RAB3IP: variants seen among roughly 807,000 people sequenced by gnomAD.
The protein encoded by RAB3IP is RAB3A interacting protein.
RAB3IP carries 36 observed loss-of-function variants against 59.1 expected under a neutral mutation model. That is an observed-to-expected ratio of 0.61 (90% CI 0.47 to 0.80). The LOEUF (loss-of-function observed/expected upper bound fraction) is 0.80. Among genes scored for constraint, RAB3IP ranks in the 30% least tolerant of loss-of-function variants. The pLI is 0.00. For synonymous variants in RAB3IP, 207 were observed against 191.2 expected, an observed-to-expected ratio of 1.08 and a Z score of -0.68; for missense variants, 511 against 536.0, an observed-to-expected ratio of 0.95 and a Z score of 0.46.
At chr12:69,812,049 A>T (rs904992758) in intron 8 of RAB3IP, 2 of 152,206 alleles carry the variant, frequency 1.3e-5, no homozygotes, top group African/African-American at 4.8e-5. Flanking sequence ...TCATGGAGCC[A>T]TAGGGTAACA....
At chr12:69,809,433 T>G (rs1009573882) in intron 8 of RAB3IP, among the ~76,000 whole-genome samples, 25 of 152,322 alleles carry the variant, frequency 1.6e-4, no homozygotes, top group Non-Finnish European at 3.1e-4. Flanking sequence ...TTTCCTGAAT[T>G]TGAATGTTGG....
intron 1 of RAB3IP, among the ~76,000 whole-genome samples, chr12:69,749,911 A>G (rs1041310069): frequency 2.0e-5 from 3 of 152,242 alleles, no homozygotes; most frequent in Non-Finnish European, 2.9e-5. Context: ...AGAGTAGGTC[A>G]TTAGTAAATA....
chr12:69,820,599 C>G lies in RAB3IP; in HGVS notation c.*5153C>G, dbSNP rs1040253872. On this transcript the variant is annotated 3_prime_UTR_variant, in exon 11 of 11. Coordinates refer to ENST00000247833, the MANE Select transcript of RAB3IP (RefSeq NM_022456.5). ...ACTGGCCAGGTGCGATGGCTCATGCCTGTAATCCCAGCACTTTGGGAGGCC... is the reference window on the plus strand; with the variant it reads ...ACTGGCCAGGTGCGATGGCTCATGCGTGTAATCCCAGCACTTTGGGAGGCC... The G allele has an allele frequency of 1.1e-4, 16 of 150,406 alleles. No individual in the cohort carries two copies. Among genetic ancestry groups the G allele is most frequent in the Admixed American group, 9.3e-4 (14 of 15,052 alleles). The allele number at this position is 150,406 out of a possible 1,614,324, so 9.3% of individuals were successfully genotyped here.
intron 3 of RAB3IP, among the ~76,000 whole-genome samples, chr12:69,780,385 A>AG (rs1196152217): frequency 1.3e-5 from 2 of 152,196 alleles, no homozygotes; most frequent in Non-Finnish European, 2.9e-5. Context: ...TACCAACTGC[A>AG]GGGAGAGGGG....
At chr12:69,739,870 G>T in intron 1 of RAB3IP, 2 of 1,614,008 alleles carry the variant, frequency 1.2e-6, no homozygotes, top group Non-Finnish European at 1.7e-6. Flanking sequence ...AGATGAAAGG[G>T]TAAGGTCTTG....
chr12:69,755,314 T>C (rs1328101019), intron 1 of RAB3IP, 70 bp from the exon 2 acceptor site: 1 of 1,268,282 alleles, frequency 7.9e-7, no homozygotes, highest in African/African-American at 1.5e-5. Flanking sequence ...CATTTTATAA[T>C]TTATGCATTT....
chr12:69,740,387 T>C (rs1417529476), intron 1 of RAB3IP, among the ~76,000 whole-genome samples: 1 of 152,232 alleles, frequency 6.6e-6, no homozygotes, highest in African/African-American at 2.4e-5. Context: ...TGTGATCTAA[T>C]CCTAAAGCCC....
intron 1 of RAB3IP, among the ~76,000 whole-genome samples, chr12:69,750,845 G>C (rs1869165335): frequency 6.6e-6 from 1 of 151,868 alleles, no homozygotes; most frequent in South Asian, 2.1e-4. Context: ...GATGTGATCA[G>C]TGAGTTCAGG....
chr12:69,770,888 T>A (rs1445563522), intron 3 of RAB3IP, among the ~76,000 whole-genome samples: 1 of 152,230 alleles, frequency 6.6e-6, no homozygotes, highest in Non-Finnish European at 1.5e-5. Flanking sequence ...AAATCTCTTC[T>A]ATTTTGCAAT....
chr12:69,769,723 A>G (rs1018345287), intron 3 of RAB3IP, among the ~76,000 whole-genome samples: 4 of 152,302 alleles, frequency 2.6e-5, no homozygotes, highest in Admixed American at 2.0e-4. Context: ...CAAAAATAAT[A>G]TAGATATGTC....
chr12:69,779,557 T>C (rs1264262376), intron 3 of RAB3IP, among the ~76,000 whole-genome samples: 1 of 151,538 alleles, frequency 6.6e-6, no homozygotes, highest in East Asian at 1.9e-4. Context: ...TTTTTTTTTC[T>C]TCTCTACCTG....
In RAB3IP at chr12:69,800,319, A is replaced by T; in HGVS notation, c.999A>T (p.Leu333Phe). 6.3e-7 allele frequency: 1 copy of T among 1,578,728 alleles called. No individual in the cohort carries two copies. The highest frequency in any genetic ancestry group is 1.2e-5 in the South Asian group (1 of 85,374). The change falls in exon 7 of 11, where the codon TTA becomes TTT. Residue 333 changes from leucine (L) to phenylalanine (F), a missense_variant. Physicochemically the swap from Leu to Phe is conservative, Grantham distance 22. Transcript: ENST00000247833. Reference sequence around the variant, plus strand: ...ACCAGGAAGATATCTTTCCATGTTTAACATTCTCAAAAAGTGAGGTAATTT... The same window carrying T: ...ACCAGGAAGATATCTTTCCATGTTTTACATTCTCAAAAAGTGAGGTAATTT... The part of the protein sequence containing the change: ...KIYQEDIFPC[L>F]TFSKSELASA...
chr12:69,788,026 T>G (rs1168214617), intron 4 of RAB3IP, among the ~76,000 whole-genome samples: 1 of 152,168 alleles, frequency 6.6e-6, no homozygotes, highest in African/African-American at 2.4e-5. Flanking sequence ...ACACATGTTT[T>G]ATATATACTT....
intron 4 of RAB3IP, among the ~76,000 whole-genome samples, chr12:69,786,579 T>A (rs1450669681): frequency 6.6e-6 from 1 of 152,114 alleles, no homozygotes; most frequent in Non-Finnish European, 1.5e-5. Context: ...GAAGAAAATT[T>A]TGTAGTGATA....
chr12:69,813,747 G>T (rs994345273), intron 10 of RAB3IP, among the ~76,000 whole-genome samples: 1 of 151,856 alleles, frequency 6.6e-6, no homozygotes, highest in Non-Finnish European at 1.5e-5. Context: ...GTGCCAGTTA[G>T]TATTTAAAGT....
In RAB3IP at chr12:69,818,333, C is replaced by T. The variant is rs1391949999; in HGVS notation, c.*2887C>T. 1 of 152,060 alleles carries T rather than the reference C, an allele frequency of 6.6e-6. No homozygotes were observed. The highest frequency in any genetic ancestry group is 2.4e-5 in the African/African-American group (1 of 41,362). 9.4% of individuals were successfully genotyped at this position (152,060 alleles called of 1,614,324 possible). On this transcript the variant is annotated 3_prime_UTR_variant, in exon 11 of 11. Coordinates refer to ENST00000247833, the MANE Select transcript of RAB3IP (RefSeq NM_022456.5). ...GCATGGTGGTGCATGCCTGTGGTCC[C>T]AGCTACTTGGGAAGCTGAGGTGGAA... is the stretch of plus-strand genomic sequence containing the variant.
chr12:69,762,495 C>T (rs530071794), intron 3 of RAB3IP, among the ~76,000 whole-genome samples: 3 of 152,088 alleles, frequency 2.0e-5, no homozygotes, highest in South Asian at 4.1e-4. Flanking sequence ...AAGTGGCTCA[C>T]GCCTGTAGTC....
chr12:69,772,162 A>G (rs11177840), intron 3 of RAB3IP, among the ~76,000 whole-genome samples: 16,265 of 152,148 alleles, frequency 0.11, 1,193 homozygotes, highest in Middle Eastern at 0.17. Context: ...TTATCATTAC[A>G]TAATACTCTT....
intron 1 of RAB3IP, among the ~76,000 whole-genome samples, chr12:69,744,961 T>C (rs1304779064): frequency 6.6e-6 from 1 of 152,170 alleles, no homozygotes; most frequent in Non-Finnish European, 1.5e-5. Flanking sequence ...ACTTGTTTTG[T>C]TTTTTCCTCC....
Sources: gnomAD v4.1 joint callset for allele counts (sites outside exome capture counted in the v4.1 genomes callset) on GRCh38, gnomAD v4.1.1 for gene constraint, MANE v1.5 for transcripts, NCBI Gene and HGNC (gene_info 2026-07-23, HGNC 2026-07-21) for gene names.